The following PEX26 variants were observed in gnomAD, a reference collection of about 807,000 sequenced individuals.
PEX26 encodes the protein peroxisome assembly protein 26.
A neutral mutation model predicts 31.4 loss-of-function variants in PEX26; 18 were observed. The observed-to-expected ratio is 0.57, with a 90% CI of 0.40 to 0.85. The LOEUF (loss-of-function observed/expected upper bound fraction) is 0.85, where lower values mean the gene tolerates loss of function less well. Among genes scored for constraint, PEX26 ranks in the 40% least tolerant of loss-of-function variants. The pLI is 0.00. For missense variants in PEX26, 377 were observed against 383.9 expected (o/e 0.98, Z 0.15); for synonymous variants, 176 against 166.9 (o/e 1.05, Z -0.42).
At position 18,088,178 on chromosome 22, in the gene PEX26, G is replaced by C; in HGVS notation, c.*103G>C. ...AGGCGCCCCTGGGGAAATGGGACCA[G>C]CCTAATCTCGCGGAGTGCACTGTGT... On this transcript the variant is annotated 3_prime_UTR_variant, in exon 5 of 5. Transcript: ENST00000399744. The surrounding 1 kb of genome is among the most constrained non-coding windows in gnomAD (Gnocchi z 4.1). 2 of 830,194 alleles carry C rather than the reference G, an allele frequency of 2.4e-6. No individual in the cohort carries two copies. Among genetic ancestry groups the C allele is most frequent in the Non-Finnish European group, 4.2e-6 (2 of 476,556 alleles). 51.4% of individuals were successfully genotyped at this position (830,194 alleles called of 1,614,324 possible).
chr22:18,081,241 CATAT>C (rs551011304), intron 2 of PEX26, among the ~76,000 whole-genome samples: 1 of 94,700 alleles, frequency 1.1e-5, no homozygotes, highest in African/African-American at 4.3e-5. Context: ...TATATGTACA[CATAT>C]ACACACACAC....
Position 18,090,230 on chromosome 22 carries a change from A to G in PEX26, c.*2155A>G, listed in dbSNP as rs773334209. On this transcript the variant is annotated 3_prime_UTR_variant, in exon 5 of 5. Coordinates refer to ENST00000399744, the MANE Select transcript of PEX26 (RefSeq NM_001127649.3). ...ATCTGGGCCCACTTAACTACCCTAGATAAAACGCTTCAATGGCTTCCCATG... is the reference window on the plus strand; with the variant it reads ...ATCTGGGCCCACTTAACTACCCTAGGTAAAACGCTTCAATGGCTTCCCATG... 3.9e-5 allele frequency: 6 copies of G among 152,234 alleles called. No individual in the cohort carries two copies. The highest frequency in any genetic ancestry group is 8.8e-5 in the Non-Finnish European group (6 of 68,044). 9.4% of individuals were successfully genotyped at this position (152,234 alleles called of 1,614,324 possible). A position where few individuals can be genotyped will look rare whatever the true frequency, so the allele number is the denominator to read the frequency against.
rs959908598 is a variant in PEX26, at chr22:18,085,392, C to T, written c.814+134C>T. On this transcript the variant is annotated intron_variant, in intron 4 of 4. Transcript: ENST00000399744. ...CTATGACATTTCCCCTGAGTCTGTT[C>T]CACAAGGAGGAATTGCTAGACTGGG... 3.2e-6 allele frequency: 3 copies of T among 941,632 alleles called. No individual in the cohort carries two copies. The African/African-American group carries it at 4.8e-5, about 15-fold the overall frequency. 58.3% of individuals were successfully genotyped at this position (941,632 alleles called of 1,614,324 possible).
Position 18,078,091 on chromosome 22 carries a change from C to G in PEX26, c.-286C>G, listed in dbSNP as rs1304256068. ...CCAGGAGCCCGGAGCTGAGGCAGTT[C>G]CTGCACGTGTCGCGGGGCCGGAGAA... On this transcript the variant is annotated 5_prime_UTR_variant, in exon 1 of 5. Transcript: ENST00000399744. 9 of 597,436 alleles carry G rather than the reference C, an allele frequency of 1.5e-5. No individual in the cohort carries two copies. Among genetic ancestry groups the G allele is most frequent in the Non-Finnish European group, 2.8e-5 (9 of 318,762 alleles). The allele number at this position is 597,436 out of a possible 1,614,324, so 37.0% of individuals were successfully genotyped here.
At position 18,103,150 on chromosome 22, in the gene PEX26, A is replaced by G. The variant is rs911952628; in HGVS notation, c.*15075A>G. ...TTAATCTCATGGAGGTAGAGAGTAG[A>G]ATGACAATTACTAGAGGCTGGGCAG... On this transcript the variant is annotated 3_prime_UTR_variant, in exon 5 of 5. Transcript: ENST00000399744. The G allele has an allele frequency of 2.0e-5, 3 of 150,898 alleles. No homozygotes were observed. The highest frequency in any genetic ancestry group is 7.3e-5 in the African/African-American group (3 of 41,046). The allele number at this position is 150,898 out of a possible 1,614,324, so 9.3% of individuals were successfully genotyped here.
intron 1 of PEX26, chr22:18,079,227 C>G: frequency 1.0e-6 from 1 of 985,378 alleles, no homozygotes; most frequent in Non-Finnish European, 1.2e-6. Flanking sequence ...TTGCATTGCT[C>G]TTTCTAATGC....
At position 18,105,381 on chromosome 22, in the gene PEX26, TAAA is replaced by T. The variant is rs936702283; in HGVS notation, c.*17309_*17311del. 3.9e-5 allele frequency: 6 copies of T among 152,184 alleles called. No homozygotes were observed. Among genetic ancestry groups the T allele is most frequent in the African/African-American group, 1.4e-4 (6 of 41,448 alleles). 9.4% of individuals were successfully genotyped at this position (152,184 alleles called of 1,614,324 possible). On this transcript the variant is annotated 3_prime_UTR_variant, in exon 5 of 5. Coordinates refer to ENST00000399744, the MANE Select transcript of PEX26 (RefSeq NM_001127649.3). ...TTCTTCATTTGTAAAATGAGGATAA[TAAA>T]AATTTAACTTCAGAGGTTTGTTGTG... is the stretch of plus-strand genomic sequence containing the variant.
Position 18,088,105 on chromosome 22 carries a change from C to G in PEX26, c.*30C>G, listed in dbSNP as rs1444245207. ...CCCTGCGCACCACAGCCTCTCTGCT[C>G]CTCACGTCCGTGGCCACAGAAGCAG... On this transcript the variant is annotated 3_prime_UTR_variant, in exon 5 of 5. Transcript: ENST00000399744. The surrounding 1 kb of genome is among the most constrained non-coding windows in gnomAD (Gnocchi z 4.1). 1.4e-6 allele frequency: 2 copies of G among 1,423,198 alleles called. No homozygotes were observed. Among genetic ancestry groups the G allele is most frequent in the South Asian group, 2.3e-5 (2 of 87,468 alleles). The allele number at this position is 1,423,198 out of a possible 1,614,324, so 88.2% of individuals were successfully genotyped here.
chr22:18,080,158 C>A, intron 2 of PEX26, 144 bp downstream of exon 2: 1 of 830,644 alleles, frequency 1.2e-6, no homozygotes, highest in Non-Finnish European at 2.0e-6. Flanking sequence ...CCCCAGACTT[C>A]CATACATAGC....
intron 4 of PEX26, 108 bp from the exon 5 acceptor site, chr22:18,087,864 A>G: frequency 1.2e-6 from 1 of 814,764 alleles, no homozygotes; most frequent in East Asian, 2.4e-5. Context: ...AAAAAACAAA[A>G]CAAAACCAAC....
At position 18,095,228 on chromosome 22, in the gene PEX26, C is replaced by G. The variant is rs755670063; in HGVS notation, c.*7153C>G. The G allele has an allele frequency of 6.6e-6, 1 of 152,160 alleles. No individual in the cohort carries two copies. Among genetic ancestry groups the G allele is most frequent in the Non-Finnish European group, 1.5e-5 (1 of 68,050 alleles). 9.4% of individuals were successfully genotyped at this position (152,160 alleles called of 1,614,324 possible). ...TTTGGCATCTGTTTAGTAGTATCGTCGCCCAGCTCCCTCCAGAGAAAGAGC... is the reference window on the plus strand; with the variant it reads ...TTTGGCATCTGTTTAGTAGTATCGTGGCCCAGCTCCCTCCAGAGAAAGAGC... On this transcript the variant is annotated 3_prime_UTR_variant, in exon 5 of 5. Transcript: ENST00000399744.
rs111272090 is a variant in PEX26 at position 18,089,070 on chromosome 22, TGTTACGCTCA to T, written c.*998_*1007del. 1.3e-5 allele frequency: 2 copies of T among 152,636 alleles called. No individual in the cohort carries two copies. The highest frequency in any genetic ancestry group is 4.8e-5 in the African/African-American group (2 of 41,452). The allele number at this position is 152,636 out of a possible 1,614,324, so 9.5% of individuals were successfully genotyped here. On this transcript the variant is annotated 3_prime_UTR_variant, in exon 5 of 5. Transcript: ENST00000399744. ...AGGTTGTCCTGGCCAAGTCTTGCTC[TGTTACGCTCA>T]GTGCCTCTGCCCACTCTTTCCCCGC...
chr22:18,095,978 A>G lies in PEX26; in HGVS notation c.*7903A>G, dbSNP rs1284265124. The G allele has an allele frequency of 1.3e-5, 2 of 152,006 alleles. No individual in the cohort carries two copies. Among genetic ancestry groups the G allele is most frequent in the African/African-American group, 4.8e-5 (2 of 41,374 alleles). 9.4% of individuals were successfully genotyped at this position (152,006 alleles called of 1,614,324 possible). A position where few individuals can be genotyped will look rare whatever the true frequency, so the allele number is the denominator to read the frequency against. Reference sequence around the variant, plus strand: ...GCTGGAACTACAGGCACACACTACCACGCCTGGCTAATTTTTGAATTTTTA... The same window carrying G: ...GCTGGAACTACAGGCACACACTACCGCGCCTGGCTAATTTTTGAATTTTTA... On this transcript the variant is annotated 3_prime_UTR_variant, in exon 5 of 5. Transcript: ENST00000399744.
chr22:18,078,077 G>T lies in PEX26; in HGVS notation c.-300G>T, dbSNP rs991450586. On this transcript the variant is annotated 5_prime_UTR_variant, in exon 1 of 5. An upstream open reading frame in the 5' UTR gains an earlier in-frame stop. Coordinates refer to ENST00000399744, the MANE Select transcript of PEX26 (RefSeq NM_001127649.3). ...GTCTTTGATCGTAACCAGGAGCCCGGAGCTGAGGCAGTTCCTGCACGTGTC... is the reference window on the plus strand; with the variant it reads ...GTCTTTGATCGTAACCAGGAGCCCGTAGCTGAGGCAGTTCCTGCACGTGTC... 1.4e-5 allele frequency: 8 copies of T among 570,028 alleles called. No individual in the cohort carries two copies. Among genetic ancestry groups the T allele is most frequent in the Non-Finnish European group, 2.3e-5 (7 of 301,408 alleles). 35.3% of individuals were successfully genotyped at this position (570,028 alleles called of 1,614,324 possible). A position where few individuals can be genotyped will look rare whatever the true frequency, so the allele number is the denominator to read the frequency against.
rs1234634520 is a variant in PEX26, at chr22:18,078,344, T to C, written c.-33T>C. On this transcript the variant is annotated 5_prime_UTR_variant, in exon 1 of 5. Transcript: ENST00000399744. Reference sequence around the variant, plus strand: ...CTCTGGGGAGGCGGTCACTCCGACGTCTGAGGACCTGGGCCTTGGACCCGG... The same window carrying C: ...CTCTGGGGAGGCGGTCACTCCGACGCCTGAGGACCTGGGCCTTGGACCCGG... 1 of 1,508,964 alleles carries C rather than the reference T, an allele frequency of 6.6e-7. No homozygotes were observed. Among genetic ancestry groups the C allele is most frequent in the South Asian group, 1.2e-5 (1 of 86,756 alleles). 93.5% of individuals were successfully genotyped at this position (1,508,964 alleles called of 1,614,324 possible). A position where few individuals can be genotyped will look rare whatever the true frequency, so the allele number is the denominator to read the frequency against.
rs373267601 is a variant in PEX26, at chr22:18,098,165, C to G, written c.*10090C>G. The G allele has an allele frequency of 2.6e-5, 4 of 152,188 alleles. No individual in the cohort carries two copies. The highest frequency in any genetic ancestry group is 5.9e-5 in the Non-Finnish European group (4 of 68,116). The allele number at this position is 152,188 out of a possible 1,614,324, so 9.4% of individuals were successfully genotyped here. On this transcript the variant is annotated 3_prime_UTR_variant, in exon 5 of 5. Coordinates refer to ENST00000399744, the MANE Select transcript of PEX26 (RefSeq NM_001127649.3). ...GGCGGAGGTTGCAGTGGGCCGAGATCGAGCCACTGCACTCCAGCCTGGGCA... is the reference window on the plus strand; with the variant it reads ...GGCGGAGGTTGCAGTGGGCCGAGATGGAGCCACTGCACTCCAGCCTGGGCA...
chr22:18,086,135 TA>T (rs1926834789), intron 4 of PEX26, among the ~76,000 whole-genome samples: 1 of 151,340 alleles, frequency 6.6e-6, no homozygotes, highest in Non-Finnish European at 1.5e-5. Context: ...CCGTCTCTAC[TA>T]AAAATACAAA....
At chr22:18,085,624 A>G (rs947668166) in intron 4 of PEX26, among the ~76,000 whole-genome samples, 2 of 152,170 alleles carry the variant, frequency 1.3e-5, no homozygotes, top group African/African-American at 4.8e-5. Flanking sequence ...TAATCCCAGC[A>G]CTTTGGGAGG....
In PEX26 at chr22:18,080,012, G is replaced by A. The variant is rs1926488829; in HGVS notation, c.369G>A (p.Leu123=). ...AGCTACCCCCCAAAGTCCTGGAGCTGTGGTAAGTCTTCTTTGCTGACTCAT... is the reference window on the plus strand; with the variant it reads ...AGCTACCCCCCAAAGTCCTGGAGCTATGGTAAGTCTTCTTTGCTGACTCAT... ...PEKLPPKVLE[L]CILLYSKMQE... The change falls in exon 2 of 5, where the codon CTG becomes CTA. Residue 123 remains leucine (L), a splice_region_variant and synonymous_variant. Transcript: ENST00000399744. 2 of 1,614,146 alleles carry A rather than the reference G, an allele frequency of 1.2e-6. No individual in the cohort carries two copies. The highest frequency in any genetic ancestry group is 8.5e-7 in the Non-Finnish European group (1 of 1,180,006).
Sources: gnomAD v4.1 joint callset for allele counts (sites outside exome capture counted in the v4.1 genomes callset) on GRCh38, gnomAD v4.1.1 for gene constraint, Gnocchi (gnomAD v3.1) non-coding constraint, MANE v1.5 for transcripts, NCBI Gene and HGNC (gene_info 2026-07-23, HGNC 2026-07-21) for gene names.